Variants in SNUPN observed in about 807,000 individuals in gnomAD.
SNUPN encodes snurportin-1.
Under a neutral mutation model 39.2 loss-of-function variants are expected in SNUPN, and 31 were observed. That is an observed-to-expected ratio of 0.79 (90% CI 0.59 to 1.07). The LOEUF is 1.07. Ranked by LOEUF, SNUPN falls within the 50% of genes least tolerant of loss-of-function variation. SNUPN has a pLI of 0.00. For missense variants in SNUPN, 382 were observed against 434.2 expected, an observed-to-expected ratio of 0.88 and a Z score of 1.07; for synonymous variants, 132 against 159.0, an observed-to-expected ratio of 0.83 and a Z score of 1.28.
At chr15:75,616,382 C>T (rs1386590604) in intron 3 of SNUPN, among the ~76,000 whole-genome samples, 1 of 151,766 alleles carries the variant, frequency 6.6e-6, no homozygotes, top group Non-Finnish European at 1.5e-5. Context: ...TGCTTGAACC[C>T]GGGAGGCAGA....
At chr15:75,624,665 G>GAA in intron 1 of SNUPN, 44 of 1,037,356 alleles carry the variant, frequency 4.2e-5, no homozygotes, top group South Asian at 2.1e-4. Context: ...GTCTCAAAAA[G>GAA]AAAAAAAAAA....
chr15:75,625,826 C>A (rs1394360695), upstream of SNUPN: 3 of 152,170 alleles, frequency 2.0e-5, no homozygotes, highest in Non-Finnish European at 2.9e-5. Context: ...CCTTTGCGAA[C>A]GCTGGGAGTT....
intron 3 of SNUPN, among the ~76,000 whole-genome samples, chr15:75,613,128 G>A (rs374355803): frequency 3.0e-4 from 45 of 151,766 alleles, no homozygotes; most frequent in African/African-American, 9.0e-4. Flanking sequence ...GCGCGGTGGC[G>A]GGCACCTGTA....
chr15:75,603,851 T>G (rs757951884), intron 7 of SNUPN, among the ~76,000 whole-genome samples: 1 of 152,066 alleles, frequency 6.6e-6, no homozygotes, highest in Non-Finnish European at 1.5e-5. Context: ...CATAACTAAG[T>G]GATTAGAACT....
At chr15:75,622,352 G>C in intron 1 of SNUPN, 2 of 985,440 alleles carry the variant, frequency 2.0e-6, no homozygotes, top group Non-Finnish European at 2.4e-6. Flanking sequence ...TTGGAAAAGA[G>C]CTAGGATGTG....
At chr15:75,607,946 G>A (rs1205662732) in intron 5 of SNUPN, among the ~76,000 whole-genome samples, 1 of 152,168 alleles carries the variant, frequency 6.6e-6, no homozygotes, top group African/African-American at 2.4e-5. Flanking sequence ...TGTGGCATGA[G>A]CAAAGCCCCA....
chr15:75,604,193 C>T lies in SNUPN; in HGVS notation c.678+957G>A, dbSNP rs564441978. On this transcript the variant is annotated intron_variant, in intron 7 of 8. Coordinates refer to ENST00000308588, the MANE Select transcript of SNUPN (RefSeq NM_005701.4). ...TTTTTTTTTTTGTGACAGAGTCTCGCTCTGTTGCCCAGGCTGGAGTACAGT... is the reference window on the plus strand; with the variant it reads ...TTTTTTTTTTTGTGACAGAGTCTCGTTCTGTTGCCCAGGCTGGAGTACAGT... Among the ~76,000 whole-genome samples, 106 of 141,648 alleles carry T rather than the reference C, an allele frequency of 7.5e-4. No individual in the cohort carries two copies. In the South Asian group the frequency reaches 0.023, roughly 30 times the overall value. 92.9% of individuals were successfully genotyped at this position (141,648 alleles called of 152,430 possible).
At chr15:75,617,668 A>G in intron 2 of SNUPN, 116 bp from the exon 3 acceptor site, 1 of 1,152,400 alleles carries the variant, frequency 8.7e-7, no homozygotes, top group East Asian at 2.6e-5. Context: ...TGCAGCCTCA[A>G]CCTCCTGGGC....
At chr15:75,620,247 T>C (rs148540848) in intron 2 of SNUPN, among the ~76,000 whole-genome samples, 1 of 152,158 alleles carries the variant, frequency 6.6e-6, no homozygotes. Flanking sequence ...TATGCAGCTG[T>C]TAGTAGTTTC....
chr15:75,616,600 A>G (rs1169033112), intron 3 of SNUPN, among the ~76,000 whole-genome samples: 1 of 152,124 alleles, frequency 6.6e-6, no homozygotes, highest in Non-Finnish European at 1.5e-5. Flanking sequence ...CCCAGGAACC[A>G]TATTCTAAAG....
At chr15:75,619,623 T>A (rs1426447017) in intron 2 of SNUPN, among the ~76,000 whole-genome samples, 2 of 151,964 alleles carry the variant, frequency 1.3e-5, no homozygotes, top group Non-Finnish European at 2.9e-5. Flanking sequence ...AACAACACAG[T>A]GACACCCTGT....
intron 8 of SNUPN, among the ~76,000 whole-genome samples, chr15:75,600,080 A>C (rs1337591656): frequency 6.6e-6 from 1 of 151,982 alleles, no homozygotes; most frequent in Non-Finnish European, 1.5e-5. Flanking sequence ...TCCTGACCTC[A>C]GGTGATCCAA....
At chr15:75,621,878 A>T (rs555301054) in intron 1 of SNUPN, among the ~76,000 whole-genome samples, 1 of 151,994 alleles carries the variant, frequency 6.6e-6, no homozygotes, top group East Asian at 1.9e-4. Context: ...TCTACTAAAA[A>T]TACAAAAACT....
At chr15:75,602,091 ACT>A (rs1457296704) in intron 7 of SNUPN, among the ~76,000 whole-genome samples, 1 of 152,084 alleles carries the variant, frequency 6.6e-6, no homozygotes, top group Non-Finnish European at 1.5e-5. Context: ...TTTAAAAATT[ACT>A]GATACTCAGG....
intron 1 of SNUPN, chr15:75,625,013 T>G (rs1483546151): frequency 1.1e-5 from 2 of 179,368 alleles, no homozygotes; most frequent in Non-Finnish European, 2.4e-5. Context: ...TGACCTCAGG[T>G]GATCCGCCCA....
intron 7 of SNUPN, among the ~76,000 whole-genome samples, chr15:75,603,444 A>G (rs2075306541): frequency 6.7e-6 from 1 of 148,380 alleles, no homozygotes; most frequent in Non-Finnish European, 1.5e-5. Flanking sequence ...GGCAGATCAC[A>G]AGGTCAGGAG....
At chr15:75,616,554 T>C (rs1892944469) in intron 3 of SNUPN, among the ~76,000 whole-genome samples, 2 of 152,000 alleles carry the variant, frequency 1.3e-5, no homozygotes, top group South Asian at 4.1e-4. Context: ...GCCTCCCAAA[T>C]TGCTGGGATT....
At chr15:75,615,594 A>ATTTTTTTTTTTTTTTTTTTTTT (rs141302808) in intron 3 of SNUPN, among the ~76,000 whole-genome samples, 2 of 73,974 alleles carry the variant, frequency 2.7e-5, no homozygotes, top group African/African-American at 5.2e-5. Context: ...AAGGAATCTC[A>ATTTTTTTTTTTTTTTTTTTTTT]TTTTTTTTTT....
chr15:75,612,012 C>A (rs1250982553), intron 3 of SNUPN, among the ~76,000 whole-genome samples: 1 of 148,338 alleles, frequency 6.7e-6, no homozygotes, highest in Non-Finnish European at 1.5e-5. Context: ...CCTCTGACCT[C>A]TTCTCATAAC....
Sources: gnomAD v4.1 joint callset for allele counts (sites outside exome capture counted in the v4.1 genomes callset) on GRCh38, gnomAD v4.1.1 for gene constraint, MANE v1.5 for transcripts, NCBI Gene and HGNC (gene_info 2026-07-23, HGNC 2026-07-21) for gene names.